Variants in ABCA8 observed in about 807,000 individuals in gnomAD.
The protein encoded by ABCA8 is ABC-type organic anion transporter ABCA8.
Under a neutral mutation model 192.3 loss-of-function variants are expected in ABCA8, and 177 were observed. The ratio of observed to expected loss-of-function variants is 0.92; its 90% CI spans 0.81 to 1.04. The LOEUF is 1.04. Among genes scored for constraint, ABCA8 ranks in the 50% least tolerant of loss-of-function variants. The pLI is 0.00. For synonymous variants in ABCA8, 642 were observed against 690.2 expected, an observed-to-expected ratio of 0.93 and a Z score of 1.09; for missense variants, 1,915 against 1,904.8, an observed-to-expected ratio of 1.01 and a Z score of -0.10.
intron 12 of ABCA8, 46 bp downstream of exon 12, chr17:68,922,190 CTCTCTT>C (rs2067551197): frequency 3.1e-6 from 2 of 639,716 alleles, no homozygotes; most frequent in Non-Finnish European, 4.1e-6. Context: ...TTCTTTCTCT[CTCTCTT>C]TTTTTTTTTT....
chr17:68,891,575 C>A lies in ABCA8; in HGVS notation c.3058G>T (p.Gly1020Ter). ...CAGAACATGATATATGCCAGGAATC[C>A]GATTGGATTGTCCTGTCCATTCTGA... is the stretch of plus-strand genomic sequence containing the variant. ...FLENGQDNPI[G>*]FLAYIMFWLV... Residue 1020 changes from glycine (G) to a stop codon, truncating the protein, a stop_gained, in exon 24 of 40, where the codon GGA becomes TGA. Coordinates refer to ENST00000586539, the MANE Select transcript of ABCA8 (RefSeq NM_001288985.2). LOFTEE classifies it high-confidence loss of function. 1 of 1,612,280 alleles carries A rather than the reference C, an allele frequency of 6.2e-7. No individual in the cohort carries two copies. Among genetic ancestry groups the A allele is most frequent in the East Asian group, 2.2e-5 (1 of 44,774 alleles).
intron 38 of ABCA8, 46 bp from the exon 39 acceptor site, chr17:68,868,402 A>G: frequency 6.6e-7 from 1 of 1,514,570 alleles, no homozygotes; most frequent in Non-Finnish European, 9.1e-7. Context: ...TCATATCTAG[A>G]GGTCTCATAA....
chr17:68,874,482 A>C (rs1009140899), intron 37 of ABCA8, among the ~76,000 whole-genome samples: 2 of 152,196 alleles, frequency 1.3e-5, no homozygotes, highest in African/African-American at 4.8e-5. Context: ...TTCATTTCAC[A>C]AGACATCATT....
At chr17:68,892,627 A>G (rs2066644911) in intron 23 of ABCA8, among the ~76,000 whole-genome samples, 1 of 152,194 alleles carries the variant, frequency 6.6e-6, no homozygotes, top group South Asian at 2.1e-4. Flanking sequence ...ATTGCATACT[A>G]CTCTCAGAAA....
chr17:68,874,543 G>T (rs1418423617), intron 37 of ABCA8, among the ~76,000 whole-genome samples: 1 of 152,060 alleles, frequency 6.6e-6, no homozygotes, highest in Non-Finnish European at 1.5e-5. Context: ...ATTCCCTGTG[G>T]CTTCATGATG....
In ABCA8 at chr17:68,942,793, C is replaced by T. The variant is rs533162192; in HGVS notation, c.-5-754G>A. Among the ~76,000 whole-genome samples, 7 of 152,286 alleles carry T rather than the reference C, an allele frequency of 4.6e-5. No homozygotes were observed. In the South Asian group the frequency reaches 1.5e-3, roughly 32 times the overall value. Reference sequence around the variant, plus strand: ...CAGCCCTAGGAAGCCCTCTTGAGCTCTCAGTCCATCTTTATAGTTATTCTC... The same window carrying T: ...CAGCCCTAGGAAGCCCTCTTGAGCTTTCAGTCCATCTTTATAGTTATTCTC... On this transcript the variant is annotated intron_variant, in intron 2 of 39. Transcript: ENST00000586539.
intron 14 of ABCA8, 118 bp downstream of exon 14, chr17:68,919,183 T>G (rs751081193): frequency 6.1e-6 from 6 of 984,460 alleles, no homozygotes; most frequent in Non-Finnish European, 8.8e-6. Flanking sequence ...AAATTGGATT[T>G]TCTTGTCCAA....
At chr17:68,921,933 T>A (rs986491343) in intron 12 of ABCA8, among the ~76,000 whole-genome samples, 1 of 152,004 alleles carries the variant, frequency 6.6e-6, no homozygotes, top group Non-Finnish European at 1.5e-5. Context: ...AAACTTGAGT[T>A]TGTAGAAAAA....
intron 2 of ABCA8, among the ~76,000 whole-genome samples, 191 bp downstream of exon 2, chr17:68,949,121 A>G (rs1217211912): frequency 2.6e-5 from 4 of 152,138 alleles, no homozygotes; most frequent in East Asian, 3.8e-4. Context: ...TGGCACCAGT[A>G]TCATGGTGTT....
chr17:68,922,194 C>CTT (rs201226205), intron 12 of ABCA8, 48 bp downstream of exon 12: 154 of 527,018 alleles, frequency 2.9e-4, no homozygotes, highest in East Asian at 6.5e-4. Flanking sequence ...TTCTCTCTCT[C>CTT]TTTTTTTTTT....
In ABCA8 at chr17:68,881,931, C is replaced by T. The variant is rs2066346318; in HGVS notation, c.3878G>A (p.Arg1293Lys). 1 of 1,614,114 alleles carries T rather than the reference C, an allele frequency of 6.2e-7. No homozygotes were observed. Among genetic ancestry groups the T allele is most frequent in the East Asian group, 2.2e-5 (1 of 44,882 alleles). The change falls in exon 31 of 40, where the codon AGG (arginine) becomes AAG (lysine). Residue 1293 changes from arginine (R) to lysine (K), a missense_variant. By Grantham distance (26) the Arg-to-Lys change is conservative. Transcript: ENST00000586539. ...CTTCCTCTTGGAAAAACAGCCTTTC[C>T]TCTTCCCTGCATACTCCTTGCGTAG... ...SCLRKEYAGKRKGCFSKRKNK... is the reference protein window; with the variant it reads ...SCLRKEYAGKKKGCFSKRKNK...
chr17:68,932,491 CATCACTGAGTG>C lies in ABCA8; in HGVS notation c.583_593del (p.His195GlyfsTer25), dbSNP rs1653109445. The C allele has an allele frequency of 2.5e-6, 4 of 1,613,340 alleles. No homozygotes were observed. Among genetic ancestry groups the C allele is most frequent in the Non-Finnish European group, 3.4e-6 (4 of 1,179,310 alleles). ...TTCCAGTAACTGACATCAGCTCCTCCATCACTGAGTGATTTGTTGTGATCTGAAGAAAGGCA... is the reference window on the plus strand; with the variant it reads ...TTCCAGTAACTGACATCAGCTCCTCCATTTGTTGTGATCTGAAGAAAGGCA... On this transcript the variant is annotated frameshift_variant, in exon 7 of 40. Coordinates refer to ENST00000586539, the MANE Select transcript of ABCA8 (RefSeq NM_001288985.2). LOFTEE classifies it high-confidence loss of function.
At chr17:68,885,380 C>A (rs918809676) in intron 26 of ABCA8, 65 bp from the exon 27 acceptor site, 3 of 1,478,600 alleles carry the variant, frequency 2.0e-6, no homozygotes, top group African/African-American at 1.4e-5. Context: ...ATCGAGATGG[C>A]TCATCTTGAA....
At chr17:68,906,824 G>A (rs1043377280) in intron 18 of ABCA8, among the ~76,000 whole-genome samples, 3 of 151,996 alleles carry the variant, frequency 2.0e-5, no homozygotes, top group East Asian at 3.9e-4. Flanking sequence ...ATATACTTAC[G>A]CATCTGTCAT....
intron 19 of ABCA8, 142 bp downstream of exon 19, chr17:68,905,902 G>T: frequency 1.4e-6 from 1 of 733,572 alleles, no homozygotes; most frequent in Non-Finnish European, 2.1e-6. Flanking sequence ...AAGCAATGTT[G>T]ACAGGGATGC....
intron 2 of ABCA8, among the ~76,000 whole-genome samples, 168 bp from the exon 3 acceptor site, chr17:68,942,207 C>T (rs2068250344): frequency 1.3e-5 from 2 of 152,274 alleles, no homozygotes; most frequent in South Asian, 2.1e-4. Flanking sequence ...GCTCTCCTTC[C>T]GTCCCCACTT....
intron 20 of ABCA8, among the ~76,000 whole-genome samples, 159 bp downstream of exon 20, chr17:68,903,142 A>G (rs2066958066): frequency 6.6e-6 from 1 of 152,198 alleles, no homozygotes; most frequent in South Asian, 2.1e-4. Context: ...TTGGATGTCA[A>G]GATTCTGCCT....
intron 31 of ABCA8, 123 bp from the exon 32 acceptor site, chr17:68,881,334 C>T (rs530076338): frequency 1.4e-6 from 1 of 698,306 alleles, no homozygotes; most frequent in Admixed American, 2.7e-5. Flanking sequence ...GTCACAACCA[C>T]CCTGAGAAGT....
intron 18 of ABCA8, 86 bp from the exon 19 acceptor site, chr17:68,906,249 A>G: frequency 9.8e-7 from 1 of 1,024,038 alleles, no homozygotes; most frequent in East Asian, 2.8e-5. Context: ...GCACAAATCT[A>G]TGAAACTATA....
Sources: allele counts gnomAD v4.1 joint callset (sites outside exome capture counted in the v4.1 genomes callset), GRCh38; gene constraint gnomAD v4.1.1; transcripts MANE v1.5; gene names NCBI Gene and HGNC (gene_info 2026-07-23, HGNC 2026-07-21).